The following DISP2 variants were observed in gnomAD, a reference collection of about 807,000 sequenced individuals.
DISP2 encodes the protein protein dispatched homolog 2.
DISP2 carries 59 observed loss-of-function variants against 95.5 expected under a neutral mutation model. The observed-to-expected ratio is 0.62, with a 90% CI of 0.50 to 0.77. DISP2 has a LOEUF of 0.77. Ranked by LOEUF, DISP2 falls within the 30% of genes least tolerant of loss-of-function variation. The pLI, the probability that DISP2 is intolerant of heterozygous loss-of-function variation, is 0.00. For synonymous variants in DISP2, 827 were observed against 815.0 expected (o/e 1.01, Z -0.25); for missense variants, 1,752 against 1,854.6 (o/e 0.94, Z 1.02).
Position 40,367,764 on chromosome 15 carries a change from T to C in DISP2, c.1652T>C (p.Leu551Pro). ...GTCAATCTGGCAGCCCTCCTCCTGC[T>C]GAGCAGCGTCTGCGCCAACCACACG... ...PFVNLAALLL[L>P]SSVCANHTLI... is the part of the protein sequence containing the mutation. Residue 551 changes from leucine to proline, a missense_variant, in exon 8 of 8, where the codon CTG becomes CCG. This residue lies in a region of DISP2 where 732 missense variants were observed against 714.6 expected (regional missense o/e 1.02). Transcript: ENST00000267889. 1 of 1,611,054 alleles carries C rather than the reference T, an allele frequency of 6.2e-7. No individual in the cohort carries two copies. The highest frequency in any genetic ancestry group is 8.5e-7 in the Non-Finnish European group (1 of 1,180,014).
chr15:40,368,515 C>T lies in DISP2; in HGVS notation c.2403C>T (p.Phe801=). The T allele has an allele frequency of 1.2e-6, 2 of 1,606,528 alleles. No individual in the cohort carries two copies. Among genetic ancestry groups the T allele is most frequent in the Non-Finnish European group, 8.5e-7 (1 of 1,179,902 alleles). The change falls in exon 8 of 8, where the codon TTC becomes TTT. Residue 801 remains phenylalanine (F), a synonymous_variant. Transcript: ENST00000267889. ...GCAGCCTGGTGAGGGACCCTGCCTT[C>T]TCGGCCAGCGGCCCTGAGGCCCAGC... is the stretch of plus-strand genomic sequence containing the variant. ...SNSSLVRDPA[F]SASGPEAQRW... is the part of the protein sequence containing the mutation.
chr15:40,367,815 T>C lies in DISP2; in HGVS notation c.1703T>C (p.Leu568Pro). The change falls in exon 8 of 8, where the codon CTT becomes CCT. Residue 568 changes from leucine (L) to proline (P), a missense_variant. Around this residue, in one of 5 missense-constraint regions of DISP2, gnomAD observed 732 missense variants for 714.6 expected, o/e 1.02. Coordinates refer to ENST00000267889, the MANE Select transcript of DISP2 (RefSeq NM_033510.3). ...CTCATCTTCTTCGACCTGTGGCGCCTTAGCAAGAGCCAGCTGCCGTCGGGG... is the reference window on the plus strand; with the variant it reads ...CTCATCTTCTTCGACCTGTGGCGCCCTAGCAAGAGCCAGCTGCCGTCGGGG... ...HTLIFFDLWR[L>P]SKSQLPSGGL... 6.2e-7 allele frequency: 1 copy of C among 1,604,464 alleles called. No homozygotes were observed. Among genetic ancestry groups the C allele is most frequent in the Non-Finnish European group, 8.5e-7 (1 of 1,179,948 alleles).
chr15:40,368,004 C>T lies in DISP2; in HGVS notation c.1892C>T (p.Ala631Val), dbSNP rs767694859. The T allele has an allele frequency of 1.9e-6, 3 of 1,539,022 alleles. No homozygotes were observed. The highest frequency in any genetic ancestry group is 1.4e-5 in the African/African-American group (1 of 73,142). ...FMGTAVLVHL[A>V]LTLVWLPASA... ...GGCACGGCTGTGCTGGTGCACCTGG[C>T]GCTCACGCTGGTCTGGCTGCCCGCC... Residue 631 changes from alanine to valine, a missense_variant, in exon 8 of 8, where the codon GCG becomes GTG. Coordinates refer to ENST00000267889, the MANE Select transcript of DISP2 (RefSeq NM_033510.3).
intron 5 of DISP2, 90 bp from the exon 6 acceptor site, chr15:40,365,057 C>A: frequency 6.3e-7 from 1 of 1,584,384 alleles, no homozygotes; most frequent in Non-Finnish European, 8.6e-7. Flanking sequence ...GAGGGGCTTG[C>A]CAAGGAAGGC....
chr15:40,361,825 C>T (rs145997828), intron 1 of DISP2, among the ~76,000 whole-genome samples: 9 of 152,332 alleles, frequency 5.9e-5, no homozygotes, highest in Non-Finnish European at 1.2e-4. Context: ...GGGTTGGCTC[C>T]GCATAGGTCT....
In DISP2 at chr15:40,370,050, T is replaced by C; in HGVS notation, c.3938T>C (p.Val1313Ala). ...SEPSARVPDS[V>A]GVSPDDLDDT... is the part of the protein sequence containing the mutation. ...CCCAGTGCCCGTGTACCAGATTCCG[T>C]GGGTGTGTCCCCAGATGACCTGGAT... is the stretch of plus-strand genomic sequence containing the variant. The change falls in exon 8 of 8, where the codon GTG (valine) becomes GCG (alanine). Residue 1313 changes from valine (V) to alanine (A), a missense_variant. Val to Ala is a moderately conservative substitution (Grantham distance 64, BLOSUM62 0). Transcript: ENST00000267889. 6.2e-7 allele frequency: 1 copy of C among 1,614,056 alleles called. No homozygotes were observed.
chr15:40,368,909 G>A lies in DISP2; in HGVS notation c.2797G>A (p.Ala933Thr), dbSNP rs1221817296. Residue 933 changes from alanine (A) to threonine (T), a missense_variant, in exon 8 of 8, where the codon GCG (alanine) becomes ACG (threonine). By Grantham distance (58) the Ala-to-Thr change is moderately conservative. Transcript: ENST00000267889. ...CAATGAGGTCAGCCACTGGCTGGCA[G>A]CGGAGCTGGGCATGGCACCTCCAGG... ...FYNEVSHWLA[A>T]ELGMAPPGLR... is the part of the protein sequence containing the mutation. 2 of 1,613,772 alleles carry A rather than the reference G, an allele frequency of 1.2e-6. No homozygotes were observed. The highest frequency in any genetic ancestry group is 1.3e-5 in the African/African-American group (1 of 74,956).
Position 40,363,690 on chromosome 15 carries a change from C to T in DISP2, c.185C>T (p.Pro62Leu), listed in dbSNP as rs1212958042. 6.2e-7 allele frequency: 1 copy of T among 1,603,634 alleles called. No homozygotes were observed. The highest frequency in any genetic ancestry group is 8.5e-7 in the Non-Finnish European group (1 of 1,174,328). Residue 62 changes from proline to leucine, a missense_variant, in exon 2 of 8, where the codon CCC becomes CTC. This residue lies in a region of DISP2 where 342 missense variants were observed against 364.3 expected (regional missense o/e 0.94). Transcript: ENST00000267889. The part of the protein sequence containing the change: ...PERSCSLHSC[P>L]LEDPSSSSGP... ...AGAAGCTGCTCCCTCCACAGCTGCCCCCTGGAGGACCCTTCCAGCTCTTCA... is the reference window on the plus strand; with the variant it reads ...AGAAGCTGCTCCCTCCACAGCTGCCTCCTGGAGGACCCTTCCAGCTCTTCA...
At position 40,369,200 on chromosome 15, in the gene DISP2, G is replaced by A. The variant is rs1889583133; in HGVS notation, c.3088G>A (p.Val1030Ile). ...TCTCTCTGCCTCAGTGGGCCTCTCA[G>A]TAGACTTCACTGTCAACTACTGCAT... ...LFLSASVGLS[V>I]DFTVNYCISY... The change falls in exon 8 of 8, where the codon GTA becomes ATA. Residue 1030 changes from valine to isoleucine, a missense_variant. Val to Ile is a conservative substitution (Grantham distance 29). Coordinates refer to ENST00000267889, the MANE Select transcript of DISP2 (RefSeq NM_033510.3). The A allele has an allele frequency of 1.9e-6, 3 of 1,613,798 alleles. No homozygotes were observed. Among genetic ancestry groups the A allele is most frequent in the Non-Finnish European group, 2.5e-6 (3 of 1,180,046 alleles).
At position 40,371,335 on chromosome 15, in the gene DISP2, C is replaced by G. The variant is rs1167622877; in HGVS notation, c.*1017C>G. 3 of 152,248 alleles carry G rather than the reference C, an allele frequency of 2.0e-5. No homozygotes were observed. The highest frequency in any genetic ancestry group is 4.4e-5 in the Non-Finnish European group (3 of 68,070). 9.4% of individuals were successfully genotyped at this position (152,248 alleles called of 1,614,324 possible). A position where few individuals can be genotyped will look rare whatever the true frequency, so the allele number is the denominator to read the frequency against. On this transcript the variant is annotated 3_prime_UTR_variant, in exon 8 of 8. Coordinates refer to ENST00000267889, the MANE Select transcript of DISP2 (RefSeq NM_033510.3). ...GAATCCAGCCACCCTCTTTGGGCCT[C>G]CACTTCCTGAGAGAGCTGTATTCCA... is the stretch of plus-strand genomic sequence containing the variant.
chr15:40,358,456 C>T lies in DISP2; in HGVS notation c.119+16C>T, dbSNP rs1430219042. 13 of 1,289,696 alleles carry T rather than the reference C, an allele frequency of 1.0e-5. No individual in the cohort carries two copies. In the African/African-American group the frequency reaches 1.2e-4, roughly 12 times the overall value. 79.9% of individuals were successfully genotyped at this position (1,289,696 alleles called of 1,614,324 possible). A position where few individuals can be genotyped will look rare whatever the true frequency, so the allele number is the denominator to read the frequency against. On this transcript the variant is annotated intron_variant, in intron 1 of 7. Coordinates refer to ENST00000267889, the MANE Select transcript of DISP2 (RefSeq NM_033510.3). ...CCCCGGACAGGTAGGGCGGACAGCTCCGCAGATCCGTATCACAGACCCTCC... is the reference window on the plus strand; with the variant it reads ...CCCCGGACAGGTAGGGCGGACAGCTTCGCAGATCCGTATCACAGACCCTCC...
At chr15:40,360,490 T>C (rs539020710) in intron 1 of DISP2, among the ~76,000 whole-genome samples, 79 of 152,046 alleles carry the variant, frequency 5.2e-4, no homozygotes, top group African/African-American at 1.3e-3. Context: ...AAGGGTGAGA[T>C]TGGGGGCAGC....
chr15:40,368,744 A>G lies in DISP2; in HGVS notation c.2632A>G (p.Met878Val). The G allele has an allele frequency of 1.9e-6, 3 of 1,613,728 alleles. No homozygotes were observed. Among genetic ancestry groups the G allele is most frequent in the Non-Finnish European group, 2.5e-6 (3 of 1,180,032 alleles). ...GTTTTTCCTGCACTGCCTGAAAATG[A>G]TGGCTCTGGAGCAAGGCCCCGATGG... ...PQFFLHCLKM[M>V]ALEQGPDGTQ... The change falls in exon 8 of 8, where the codon ATG becomes GTG. Residue 878 changes from methionine to valine, a missense_variant. Around this residue, in one of 5 missense-constraint regions of DISP2, gnomAD observed 317 missense variants for 394.9 expected, o/e 0.80. Coordinates refer to ENST00000267889, the MANE Select transcript of DISP2 (RefSeq NM_033510.3).
chr15:40,366,873 G>C (rs1889504404), intron 7 of DISP2, among the ~76,000 whole-genome samples, 185 bp from the exon 8 acceptor site: 1 of 152,216 alleles, frequency 6.6e-6, no homozygotes, highest in African/African-American at 2.4e-5. Flanking sequence ...TCAAGATGTA[G>C]CTGCTGGCAC....
rs141274361 is a variant in DISP2, at chr15:40,369,820, C to T, written c.3708C>T (p.Pro1236=). 142 of 1,587,618 alleles carry T rather than the reference C, an allele frequency of 8.9e-5. No homozygotes were observed. The African/African-American group carries it at 1.7e-3, about 19-fold the overall frequency. Residue 1236 remains proline (P), a synonymous_variant, in exon 8 of 8, where the codon CCC becomes CCT. Coordinates refer to ENST00000267889, the MANE Select transcript of DISP2 (RefSeq NM_033510.3). ...SQCPALQTSS[P]YKQAGPSPKT... ...GCCCTGCCCTGCAGACCTCCTCCCCCTATAAGCAGGCTGGCCCCAGCCCCA... is the reference window on the plus strand; with the variant it reads ...GCCCTGCCCTGCAGACCTCCTCCCCTTATAAGCAGGCTGGCCCCAGCCCCA...
At chr15:40,359,750 A>G (rs985684566) in intron 1 of DISP2, among the ~76,000 whole-genome samples, 4 of 152,226 alleles carry the variant, frequency 2.6e-5, no homozygotes, top group African/African-American at 9.6e-5. Flanking sequence ...CTAATTGGGC[A>G]TAGGGACTTG....
intron 7 of DISP2, among the ~76,000 whole-genome samples, chr15:40,366,182 A>T (rs1429451160): frequency 6.6e-6 from 1 of 152,260 alleles, no homozygotes; most frequent in African/African-American, 2.4e-5. Flanking sequence ...CCCACTTCAC[A>T]CGAGGATATC....
chr15:40,364,177 C>T (rs746437264), intron 2 of DISP2, 49 bp from the exon 3 acceptor site: 117 of 1,613,144 alleles, frequency 7.3e-5, no homozygotes, highest in Non-Finnish European at 8.8e-5. Flanking sequence ...AACACACGCC[C>T]TCTGCAAGAG....
chr15:40,364,073 A>C, intron 2 of DISP2, 119 bp downstream of exon 2: 1 of 1,475,046 alleles, frequency 6.8e-7, no homozygotes, highest in Non-Finnish European at 9.2e-7. Flanking sequence ...TGCAACAGGA[A>C]GTAAGGGTTG....
Sources: gnomAD v4.1 joint callset for allele counts (sites outside exome capture counted in the v4.1 genomes callset) on GRCh38, gnomAD v4.1.1 for gene constraint, gnomAD v4.1.1 regional missense constraint, MANE v1.5 for transcripts, NCBI Gene and HGNC (gene_info 2026-07-23, HGNC 2026-07-21) for gene names.